The following ARID1A variants were observed in gnomAD, a reference collection of about 807,000 sequenced individuals.
ARID1A encodes the protein AT-rich interactive domain-containing protein 1A.
ARID1A carries 20 observed loss-of-function variants against 212.6 expected under a neutral mutation model. The ratio of observed to expected loss-of-function variants is 0.09; its 90% CI spans 0.07 to 0.14. The LOEUF (loss-of-function observed/expected upper bound fraction) is 0.14, where lower values mean the gene tolerates loss of function less well. ARID1A is among the 10% of genes least tolerant of loss of function. ARID1A has a pLI of 1.00. For synonymous variants in ARID1A, 1,376 were observed against 1,222.1 expected (o/e 1.13, Z -2.63); for missense variants, 2,587 against 3,059.0 (o/e 0.85, Z 3.64).
chr1:26,707,724 A>G (rs1332754145), intron 1 of ARID1A, among the ~76,000 whole-genome samples: 2 of 152,112 alleles, frequency 1.3e-5, no homozygotes, highest in South Asian at 2.1e-4. Context: ...CCTCTTGATG[A>G]ATTTCCTAAT....
At chr1:26,758,847 A>G (rs1407961655) in intron 4 of ARID1A, among the ~76,000 whole-genome samples, 1 of 152,226 alleles carries the variant, frequency 6.6e-6, no homozygotes, top group East Asian at 1.9e-4. Flanking sequence ...CCAACAAGAA[A>G]GCTAGCATTT....
intron 4 of ARID1A, among the ~76,000 whole-genome samples, chr1:26,752,782 G>C (rs1168920856): frequency 2.6e-5 from 4 of 152,162 alleles, no homozygotes; most frequent in Non-Finnish European, 4.4e-5. Flanking sequence ...TTTTATTCAA[G>C]TATTGTCATT....
chr1:26,756,595 A>C (rs534931891), intron 4 of ARID1A, among the ~76,000 whole-genome samples: 633 of 151,744 alleles, frequency 4.2e-3, no homozygotes, highest in African/African-American at 0.011. Context: ...AACACACACA[A>C]AAAAAAACCC....
At chr1:26,773,754 G>A (rs367811939) in intron 16 of ARID1A, 37 bp downstream of exon 16, 38 of 1,614,050 alleles carry the variant, frequency 2.4e-5, no homozygotes, top group Non-Finnish European at 2.6e-5. Flanking sequence ...CTATGGATCA[G>A]GCTTCGCCAC....
rs2124079158 is a variant in ARID1A at position 26,766,231 on chromosome 1, T to C, written c.2743T>C (p.Tyr915His). The C allele has an allele frequency of 6.2e-7, 1 of 1,613,358 alleles. No homozygotes were observed. Among genetic ancestry groups the C allele is most frequent in the East Asian group, 2.2e-5 (1 of 44,888 alleles). Residue 915 changes from tyrosine (Y) to histidine (H), a missense_variant, in exon 9 of 20, where the codon TAC becomes CAC. Around this residue, in one of 11 missense-constraint regions of ARID1A, gnomAD observed 674 missense variants for 813.4 expected, o/e 0.83. Coordinates refer to ENST00000324856, the MANE Select transcript of ARID1A (RefSeq NM_006015.6). ...CATCTTCTTCCTTAGGCCGCCAGGC[T>C]ACCCCAATATGAATCAAGGGGGCAT... ...ANSIQNRPPG[Y>H]PNMNQGGMMG... is the part of the protein sequence containing the mutation.
intron 1 of ARID1A, among the ~76,000 whole-genome samples, chr1:26,703,695 C>T (rs1479616860): frequency 1.3e-5 from 2 of 152,194 alleles, no homozygotes; most frequent in African/African-American, 4.8e-5. Flanking sequence ...TTAGGAACTT[C>T]AGACTTATTG....
chr1:26,705,123 A>T (rs2080376229), intron 1 of ARID1A, among the ~76,000 whole-genome samples: 1 of 151,592 alleles, frequency 6.6e-6, no homozygotes, highest in Non-Finnish European at 1.5e-5. Flanking sequence ...ACACTGCTCC[A>T]GTACAGAAGT....
intron 2 of ARID1A, among the ~76,000 whole-genome samples, chr1:26,730,744 A>G (rs535030239): frequency 1.1e-3 from 167 of 152,318 alleles, no homozygotes; most frequent in Non-Finnish European, 2.0e-3. Flanking sequence ...TGTCTGAATT[A>G]CTAAACCTTA....
In ARID1A at chr1:26,781,617, A is replaced by G. The variant is rs2081196403; in HGVS notation, c.*861A>G. 1 of 233,706 alleles carries G rather than the reference A, an allele frequency of 4.3e-6. No individual in the cohort carries two copies. The highest frequency in any genetic ancestry group is 8.5e-6 in the Non-Finnish European group (1 of 118,058). The allele number at this position is 233,706 out of a possible 1,614,324, so 14.5% of individuals were successfully genotyped here. ...CGGCTACGCTGCCACGTGTGTATAT[A>G]TATGACGTTGTACATTGCACATACC... is the stretch of plus-strand genomic sequence containing the variant. On this transcript the variant is annotated 3_prime_UTR_variant, in exon 20 of 20. Transcript: ENST00000324856.
At chr1:26,764,358 G>C (rs138508291) in intron 8 of ARID1A, 1 of 151,942 alleles carries the variant, frequency 6.6e-6, no homozygotes, top group East Asian at 1.9e-4. Context: ...GTTCAGAGTA[G>C]GTGGTTTAAC....
In ARID1A at chr1:26,771,798, C is replaced by T. The variant is rs2081084849; in HGVS notation, c.3406+472C>T. 1.1e-5 allele frequency: 2 copies of T among 176,976 alleles called. No homozygotes were observed. The allele number at this position is 176,976 out of a possible 1,614,324, so 11.0% of individuals were successfully genotyped here. A position where few individuals can be genotyped will look rare whatever the true frequency, so the allele number is the denominator to read the frequency against. On this transcript the variant is annotated intron_variant, in intron 12 of 19. Transcript: ENST00000324856. The surrounding 1 kb of genome is among the most constrained non-coding windows in gnomAD (Gnocchi z 5.4). Reference sequence around the variant, plus strand: ...TGATGGGAGTGGCTCTGCTCACCCTCCTTTCTGAGAGGAGGCTGAGGCCTA... The same window carrying T: ...TGATGGGAGTGGCTCTGCTCACCCTTCTTTCTGAGAGGAGGCTGAGGCCTA...
At chr1:26,772,654 G>C (rs2124105211) in intron 13 of ARID1A, 22 bp downstream of exon 13, 1 of 1,614,236 alleles carries the variant, frequency 6.2e-7, no homozygotes, top group Non-Finnish European at 8.5e-7. Context: ...AGCAGGGGCA[G>C]ATGGTTGGGA....
At chr1:26,711,419 G>A (rs1027375884) in intron 1 of ARID1A, among the ~76,000 whole-genome samples, 1 of 151,954 alleles carries the variant, frequency 6.6e-6, no homozygotes, top group Non-Finnish European at 1.5e-5. Flanking sequence ...CAGCGCCCCC[G>A]GCTCTTGCTC....
At chr1:26,723,447 GT>G (rs2080585165) in intron 1 of ARID1A, among the ~76,000 whole-genome samples, 1 of 152,204 alleles carries the variant, frequency 6.6e-6, no homozygotes, top group African/African-American at 2.4e-5. Flanking sequence ...CCAGACAATA[GT>G]TTGTGCTGGC....
At position 26,731,624 on chromosome 1, in the gene ARID1A, T is replaced by C. The variant is rs1015978516; in HGVS notation, c.1803+20T>C. On this transcript the variant is annotated intron_variant, in intron 3 of 19. Transcript: ENST00000324856. ...CCGCAGGTAAGATATCCCTGCCTCCTGCCCTTCCCTGTGTGTGACTACAGA... is the reference window on the plus strand; with the variant it reads ...CCGCAGGTAAGATATCCCTGCCTCCCGCCCTTCCCTGTGTGTGACTACAGA... 13 of 1,607,512 alleles carry C rather than the reference T, an allele frequency of 8.1e-6. No homozygotes were observed. The highest frequency in any genetic ancestry group is 1.1e-5 in the Non-Finnish European group (13 of 1,175,030).
In ARID1A at chr1:26,772,800, C is replaced by G. The variant is rs117058748; in HGVS notation, c.3540-12C>G. 2 of 1,611,026 alleles carry G rather than the reference C, an allele frequency of 1.2e-6. No homozygotes were observed. Among genetic ancestry groups the G allele is most frequent in the African/African-American group, 1.3e-5 (1 of 74,800 alleles). The stretch of plus-strand genomic sequence containing the variant: ...TTTATTTGTGGTTTACTTGGTTTTC[C>G]TCACTCTGGAGCAGGAGCAATTCAG... On this transcript the variant is annotated splice_polypyrimidine_tract_variant and intron_variant, in intron 13 of 19. Transcript: ENST00000324856.
intron 15 of ARID1A, 29 bp from the exon 16 acceptor site, chr1:26,773,551 G>C (rs773640931): frequency 6.2e-7 from 1 of 1,614,174 alleles, no homozygotes; most frequent in Non-Finnish European, 8.5e-7. Context: ...GCTATAGTGG[G>C]CTCAATCTGC....
intron 1 of ARID1A, among the ~76,000 whole-genome samples, chr1:26,712,936 C>T (rs988850541): frequency 8.5e-5 from 13 of 152,232 alleles, no homozygotes; most frequent in Admixed American, 2.6e-4. Context: ...ACTTTCTGAA[C>T]ACCTTATGTG....
At chr1:26,697,776 C>T (rs1051843701) in intron 1 of ARID1A, among the ~76,000 whole-genome samples, 2 of 151,518 alleles carry the variant, frequency 1.3e-5, no homozygotes, top group African/African-American at 2.4e-5. Context: ...TTTTCCTCTC[C>T]CCTGGTCCCT....
Sources: allele counts gnomAD v4.1 joint callset (sites outside exome capture counted in the v4.1 genomes callset), GRCh38; gene constraint gnomAD v4.1.1; regional missense constraint gnomAD v4.1.1; non-coding constraint Gnocchi (gnomAD v3.1); transcripts MANE v1.5; gene names NCBI Gene and HGNC (gene_info 2026-07-23, HGNC 2026-07-21).